FLOT2: variants seen among roughly 807,000 people sequenced by gnomAD.
FLOT2 encodes the protein flotillin-2.
In FLOT2, 35 loss-of-function variants were observed where a neutral mutation model predicts 54.9. The observed-to-expected ratio is 0.64, with a 90% CI of 0.49 to 0.84. The LOEUF is 0.84. FLOT2 is among the 40% of genes least tolerant of loss of function. The probability of loss-of-function intolerance (pLI) is 0.00; values close to 1 mark genes in which losing one functional copy is unlikely to be tolerated. For missense variants in FLOT2, 464 were observed against 572.1 expected (o/e 0.81, Z 1.93); for synonymous variants, 207 against 228.9 (o/e 0.90, Z 0.86).
chr17:28,881,235 C>T lies in FLOT2; in HGVS notation c.1055G>A (p.Gly352Glu), dbSNP rs2039441357. The T allele has an allele frequency of 1.2e-6, 2 of 1,614,218 alleles. No individual in the cohort carries two copies. The highest frequency in any genetic ancestry group is 4.5e-5 in the East Asian group (2 of 44,886). The change falls in exon 9 of 11, where the codon GGG becomes GAG. Residue 352 changes from glycine to glutamate, a missense_variant. Gly to Glu is a moderately conservative substitution (Grantham distance 98, BLOSUM62 -2). Transcript: ENST00000394908. ...KLKAEAYQKYGDAAKMALVLE... is the reference protein window; with the variant it reads ...KLKAEAYQKYEDAAKMALVLE... ...CACCAAGGCCATCTTGGCTGCATCC[C>T]CGTATTTCTGGTAGGCTTCTGCCTT...
Position 28,879,656 on chromosome 17 carries a change from C to T in FLOT2, c.*905G>A. 1 of 986,026 alleles carries T rather than the reference C, an allele frequency of 1.0e-6. No homozygotes were observed. Among genetic ancestry groups the T allele is most frequent in the East Asian group, 1.1e-4 (1 of 8,814 alleles). 61.1% of individuals were successfully genotyped at this position (986,026 alleles called of 1,614,324 possible). On this transcript the variant is annotated 3_prime_UTR_variant, in exon 11 of 11. Transcript: ENST00000394908. The stretch of plus-strand genomic sequence containing the variant: ...TCTGGCCAGGCTACAGCACTCGATT[C>T]TGTACAGGGTTGGCACAGCCTTGTC...
chr17:28,884,495 G>A lies in FLOT2; in HGVS notation c.132-180C>T, dbSNP rs1011461365. 6.6e-5 allele frequency among the ~76,000 whole-genome samples: 10 copies of A among 152,196 alleles called. No homozygotes were observed. The highest frequency in any genetic ancestry group is 2.4e-4 in the African/African-American group (10 of 41,446). On this transcript the variant is annotated intron_variant, in intron 2 of 10. Coordinates refer to ENST00000394908, the MANE Select transcript of FLOT2 (RefSeq NM_004475.3). The surrounding 1 kb of genome is among the most constrained non-coding windows in gnomAD (Gnocchi z 5.1). ...AGGTGGGCACGAGGGCAGGGTGGGT[G>A]CAGGTGGCCCCAGGGGAAGGAGTGG...
At chr17:28,881,789 AC>A in intron 8 of FLOT2, 24 bp downstream of exon 8, 1 of 1,608,376 alleles carries the variant, frequency 6.2e-7, no homozygotes, top group Non-Finnish European at 8.5e-7. Flanking sequence ...CTAAGCCCTG[AC>A]CCCGGCACCT....
At chr17:28,889,533 T>C (rs1004177946) in intron 1 of FLOT2, among the ~76,000 whole-genome samples, 3 of 152,158 alleles carry the variant, frequency 2.0e-5, no homozygotes, top group African/African-American at 7.2e-5. Context: ...AGTTTCATCA[T>C]GTTGGCCAGG....
intron 1 of FLOT2, among the ~76,000 whole-genome samples, chr17:28,890,926 G>A (rs1369758369): frequency 6.8e-6 from 1 of 147,632 alleles, no homozygotes; most frequent in South Asian, 2.1e-4. Flanking sequence ...CACTGTACAC[G>A]AGTACAGCAC....
chr17:28,880,612 G>A lies in FLOT2; in HGVS notation c.1249-13C>T. On this transcript the variant is annotated splice_polypyrimidine_tract_variant and intron_variant, in intron 10 of 10. Coordinates refer to ENST00000394908, the MANE Select transcript of FLOT2 (RefSeq NM_004475.3). ...TGATCAGGGGTATCTGCAAGGATGG[G>A]AGATGCCATGAGACCTTGGCTCCAG... 6.2e-7 allele frequency: 1 copy of A among 1,614,014 alleles called. No homozygotes were observed. The highest frequency in any genetic ancestry group is 8.5e-7 in the Non-Finnish European group (1 of 1,179,958).
rs1291669858 is a variant in FLOT2, at chr17:28,882,455, G to A, written c.466-5C>T. On this transcript the variant is annotated splice_polypyrimidine_tract_variant and splice_region_variant and intron_variant, in intron 5 of 10. Coordinates refer to ENST00000394908, the MANE Select transcript of FLOT2 (RefSeq NM_004475.3). This position sits in a 1 kb window ranked among gnomAD's most constrained non-coding sequence, Gnocchi z 5.6. ...GTCCACTTTGTCATACACGTCCTGG[G>A]GAGGGAAGGGGGTATCAGAGGCTCA... The A allele has an allele frequency of 1.2e-6, 2 of 1,612,920 alleles. No individual in the cohort carries two copies. Among genetic ancestry groups the A allele is most frequent in the East Asian group, 2.2e-5 (1 of 44,870 alleles).
rs1277718980 is a variant in FLOT2, at chr17:28,882,034, G to A, written c.700-6C>T. The A allele has an allele frequency of 5.6e-6, 9 of 1,614,184 alleles. No homozygotes were observed. The highest frequency in any genetic ancestry group is 7.6e-6 in the Non-Finnish European group (9 of 1,180,036). ...GCCAACTGGGCCTCAGCTGTCTGTG[G>A]CAAGAGGGTGTGTGGCACATTAGAG... On this transcript the variant is annotated splice_polypyrimidine_tract_variant and splice_region_variant and intron_variant, in intron 7 of 10. Transcript: ENST00000394908. This position sits in a 1 kb window ranked among gnomAD's most constrained non-coding sequence, Gnocchi z 5.6.
rs757605941 is a variant in FLOT2 at position 28,882,704 on chromosome 17, G to A, written c.347-13C>T. 8.3e-6 allele frequency: 13 copies of A among 1,575,462 alleles called. No homozygotes were observed. The South Asian group carries it at 1.3e-4, about 16-fold the overall frequency. ...ACTGTCAGGGTCCCTGGGGGCAGAG[G>A]GATCAAGGGCTGGCTCCCCAGGGAC... On this transcript the variant is annotated splice_polypyrimidine_tract_variant and intron_variant, in intron 4 of 10. Coordinates refer to ENST00000394908, the MANE Select transcript of FLOT2 (RefSeq NM_004475.3). This position sits in a 1 kb window ranked among gnomAD's most constrained non-coding sequence, Gnocchi z 5.6.
Position 28,884,780 on chromosome 17 carries a change from T to A in FLOT2, c.132-465A>T, listed in dbSNP as rs1018724783. 6.6e-6 allele frequency among the ~76,000 whole-genome samples: 1 copy of A among 152,192 alleles called. No homozygotes were observed. Among genetic ancestry groups the A allele is most frequent in the Non-Finnish European group, 1.5e-5 (1 of 68,020 alleles). On this transcript the variant is annotated intron_variant, in intron 2 of 10. Coordinates refer to ENST00000394908, the MANE Select transcript of FLOT2 (RefSeq NM_004475.3). The surrounding 1 kb of genome is among the most constrained non-coding windows in gnomAD (Gnocchi z 5.1). ...AGCACCCCAGGGTGCCCCAGGAAGT[T>A]GCTTGGAAAGCTCTGCCTGATTGCC...
chr17:28,882,245 CA>C lies in FLOT2; in HGVS notation c.580-9del. ...CTTCTTGCACTCAGCTTCCTGGGGACAAAAGGGGCAGAAGGGGAAGGTGAGT... is the reference window on the plus strand; with the variant it reads ...CTTCTTGCACTCAGCTTCCTGGGGACAAAGGGGCAGAAGGGGAAGGTGAGT... On this transcript the variant is annotated splice_polypyrimidine_tract_variant and intron_variant, in intron 6 of 10. Coordinates refer to ENST00000394908, the MANE Select transcript of FLOT2 (RefSeq NM_004475.3). The surrounding 1 kb of genome is among the most constrained non-coding windows in gnomAD (Gnocchi z 5.6). The C allele has an allele frequency of 6.2e-7, 1 of 1,614,134 alleles. No individual in the cohort carries two copies. The highest frequency in any genetic ancestry group is 1.1e-5 in the South Asian group (1 of 91,076).
At chr17:28,880,647 C>T (rs1379309185) in intron 10 of FLOT2, 48 bp from the exon 11 acceptor site, 2 of 1,613,638 alleles carry the variant, frequency 1.2e-6, no homozygotes, top group Admixed American at 1.7e-5. Flanking sequence ...GAGCCCAGGA[C>T]CACTTTGCCT....
At chr17:28,885,355 T>C (rs962664424) in intron 2 of FLOT2, among the ~76,000 whole-genome samples, 1 of 152,184 alleles carries the variant, frequency 6.6e-6, no homozygotes, top group African/African-American at 2.4e-5. Flanking sequence ...AAAGATGTGG[T>C]TCAGGCCTCT....
rs2039498079 is a variant in FLOT2, at chr17:28,883,944, G to C, written c.222+281C>G. ...ACATTTCCAACACCTGCAAAGAATG[G>C]GGGTGGGGTTAGTGAGCCAGGAGCC... On this transcript the variant is annotated intron_variant, in intron 3 of 10. Coordinates refer to ENST00000394908, the MANE Select transcript of FLOT2 (RefSeq NM_004475.3). The surrounding 1 kb of genome is among the most constrained non-coding windows in gnomAD (Gnocchi z 5.0). Among the ~76,000 whole-genome samples the C allele has an allele frequency of 6.6e-6, 1 of 152,194 alleles. No homozygotes were observed. The highest frequency in any genetic ancestry group is 1.5e-5 in the Non-Finnish European group (1 of 68,036).
At chr17:28,881,517 C>A (rs1421617533) in intron 8 of FLOT2, 142 bp from the exon 9 acceptor site, 14 of 886,710 alleles carry the variant, frequency 1.6e-5, no homozygotes, top group Admixed American at 1.3e-4. Flanking sequence ...GGTGGCCTGA[C>A]CTTCCGGCTC....
At chr17:28,894,241 C>T (rs891752021) in intron 1 of FLOT2, among the ~76,000 whole-genome samples, 2 of 152,172 alleles carry the variant, frequency 1.3e-5, no homozygotes, top group African/African-American at 2.4e-5. Flanking sequence ...AATTCCAGCA[C>T]TTTGGGAGGC....
At chr17:28,885,630 T>C (rs2152647706) in intron 2 of FLOT2, 2 of 717,462 alleles carry the variant, frequency 2.8e-6, no homozygotes, top group South Asian at 3.0e-5. Context: ...TTGGCAGAGC[T>C]TCCAGAATCC....
chr17:28,896,489 C>T (rs538930464), intron 1 of FLOT2, among the ~76,000 whole-genome samples: 1 of 152,270 alleles, frequency 6.6e-6, no homozygotes, highest in African/African-American at 2.4e-5. Flanking sequence ...GGGTACTTAT[C>T]TCCCACACAC....
intron 8 of FLOT2, among the ~76,000 whole-genome samples, 191 bp downstream of exon 8, chr17:28,881,623 C>G (rs2039449413): frequency 6.6e-6 from 1 of 152,252 alleles, no homozygotes; most frequent in African/African-American, 2.4e-5. Context: ...ACTGGAGCCT[C>G]CTTTATCTAT....
Sources: allele counts gnomAD v4.1 joint callset (sites outside exome capture counted in the v4.1 genomes callset), GRCh38; gene constraint gnomAD v4.1.1; non-coding constraint Gnocchi (gnomAD v3.1); transcripts MANE v1.5; gene names NCBI Gene and HGNC (gene_info 2026-07-23, HGNC 2026-07-21).